Variants in DOT1L observed in about 807,000 individuals in gnomAD.
The protein encoded by DOT1L is histone-lysine N-methyltransferase, H3 lysine-79 specific.
A neutral mutation model predicts 153.3 loss-of-function variants in DOT1L; 33 were observed. That is an observed-to-expected ratio of 0.22 (90% CI 0.16 to 0.29). DOT1L has a LOEUF of 0.29. DOT1L is among the 10% of genes least tolerant of loss of function. DOT1L has a pLI of 1.00. For missense variants in DOT1L, 1,847 were observed against 2,119.9 expected, an observed-to-expected ratio of 0.87 and a Z score of 2.53; for synonymous variants, 1,135 against 965.1, an observed-to-expected ratio of 1.18 and a Z score of -3.26.
At chr19:2,228,898 A>G in intron 27 of DOT1L, 1 of 985,404 alleles carries the variant, frequency 1.0e-6, no homozygotes, top group Non-Finnish European at 1.2e-6. Context: ...GTAGCCTCGG[A>G]TGCCCTCATA....
chr19:2,166,708 G>A (rs1224456158), intron 1 of DOT1L, among the ~76,000 whole-genome samples: 1 of 152,234 alleles, frequency 6.6e-6, no homozygotes, highest in East Asian at 1.9e-4. Flanking sequence ...ACCGCACCTG[G>A]CCTCACATTT....
chr19:2,179,721 C>A (rs1568331987), intron 1 of DOT1L, among the ~76,000 whole-genome samples: 1 of 152,110 alleles, frequency 6.6e-6, no homozygotes, highest in Admixed American at 6.6e-5. Flanking sequence ...GCAGGAGAAT[C>A]CCTTGAACCT....
chr19:2,218,613 T>C (rs1456288095), intron 22 of DOT1L, among the ~76,000 whole-genome samples: 1 of 152,104 alleles, frequency 6.6e-6, no homozygotes, highest in East Asian at 1.9e-4. Context: ...CAGGATGGTC[T>C]TGATCTCCTG....
rs2023431593 is a variant in DOT1L, at chr19:2,204,830, A to G, written c.788-1899A>G. Reference sequence around the variant, plus strand: ...GGATACTGGCCTAACCTGTGTGCCCAGCCTGGCCCTGGAACCGCCCTTCCT... The same window carrying G: ...GGATACTGGCCTAACCTGTGTGCCCGGCCTGGCCCTGGAACCGCCCTTCCT... On this transcript the variant is annotated intron_variant, in intron 9 of 27. Transcript: ENST00000398665. The surrounding 1 kb of genome is among the most constrained non-coding windows in gnomAD (Gnocchi z 5.7). 6.6e-6 allele frequency among the ~76,000 whole-genome samples: 1 copy of G among 152,160 alleles called. No homozygotes were observed. Among genetic ancestry groups the G allele is most frequent in the Non-Finnish European group, 1.5e-5 (1 of 68,030 alleles).
At chr19:2,183,190 A>C (rs2022324321) in intron 2 of DOT1L, among the ~76,000 whole-genome samples, 1 of 152,106 alleles carries the variant, frequency 6.6e-6, no homozygotes, top group South Asian at 2.1e-4. Context: ...TGTTTTTTTG[A>C]GTCAGCGTCT....
At position 2,217,846 on chromosome 19, in the gene DOT1L, C is replaced by G. The variant is rs376379273; in HGVS notation, c.2619C>G (p.Thr873=). Residue 873 remains threonine (T), a synonymous_variant, in exon 22 of 28, where the codon ACC becomes ACG. Transcript: ENST00000398665. The surrounding 1 kb of genome is among the most constrained non-coding windows in gnomAD (Gnocchi z 7.3). ...TGCCCATCAGCATCCCGCTCAGCAC[C>G]GTGCAGCCCAACAAGCTCCCGGTCA... ...TSLPISIPLS[T]VQPNKLPVSI... 1.2e-6 allele frequency: 2 copies of G among 1,611,748 alleles called. No individual in the cohort carries two copies. The highest frequency in any genetic ancestry group is 1.1e-5 in the South Asian group (1 of 90,688).
Position 2,226,374 on chromosome 19 carries a change from G to A in DOT1L, c.3853G>A (p.Asp1285Asn), listed in dbSNP as rs369642113. The change falls in exon 27 of 28, where the codon GAT (aspartate) becomes AAT (asparagine). Residue 1285 changes from aspartate (D) to asparagine (N), a missense_variant. Around this residue, in one of 8 missense-constraint regions of DOT1L, gnomAD observed 934 missense variants for 825.3 expected, o/e 1.13. Transcript: ENST00000398665. ...FRPALEEPSA[D>N]AKLAAHPRKG... ...GCCCGCCCTGGAGGAGCCCTCTGCC[G>A]ATGCCAAGCTGGCCGCTCACCCCAG... 9 of 1,592,754 alleles carry A rather than the reference G, an allele frequency of 5.7e-6. No individual in the cohort carries two copies. Among genetic ancestry groups the A allele is most frequent in the Admixed American group, 3.4e-5 (2 of 58,772 alleles).
chr19:2,178,573 C>T (rs774270732), intron 1 of DOT1L, among the ~76,000 whole-genome samples: 53 of 151,964 alleles, frequency 3.5e-4, no homozygotes, highest in Admixed American at 1.5e-3. Flanking sequence ...CCCGTCACTA[C>T]GCCTGGCTAA....
At chr19:2,223,985 A>C (rs950170968) in intron 25 of DOT1L, among the ~76,000 whole-genome samples, 4 of 152,064 alleles carry the variant, frequency 2.6e-5, no homozygotes, top group African/African-American at 9.7e-5. Context: ...TCTCCTCCCA[A>C]GAGCCCCTGG....
Position 2,216,101 on chromosome 19 carries a change from CTTTA to C in DOT1L, c.1924-176_1924-173del. On this transcript the variant is annotated intron_variant, in intron 19 of 27. Transcript: ENST00000398665. ...AAACCATCCTCGGCCCTCCACATGA[CTTTA>C]TTTGACGCCCCCAGCTTCCCGACCC... is the stretch of plus-strand genomic sequence containing the variant. 7.3e-6 allele frequency: 6 copies of C among 817,852 alleles called. No individual in the cohort carries two copies. In the South Asian group the frequency reaches 9.7e-5, roughly 13 times the overall value. The allele number at this position is 817,852 out of a possible 1,614,324, so 50.7% of individuals were successfully genotyped here.
At chr19:2,225,632 G>C in intron 26 of DOT1L, among the ~76,000 whole-genome samples, 180 bp downstream of exon 26, 1 of 152,076 alleles carries the variant, frequency 6.6e-6, no homozygotes. Context: ...GCCGACACTG[G>C]GGGCGCTGGG....
At chr19:2,201,819 G>A (rs2023297651) in intron 8 of DOT1L, among the ~76,000 whole-genome samples, 1 of 152,250 alleles carries the variant, frequency 6.6e-6, no homozygotes, top group African/African-American at 2.4e-5. Context: ...TGCCTTGTCA[G>A]GCAGCCCCAG....
rs181699454 is a variant in DOT1L at position 2,199,965 on chromosome 19, G to C, written c.707+26G>C. On this transcript the variant is annotated intron_variant, in intron 8 of 27. Coordinates refer to ENST00000398665, the MANE Select transcript of DOT1L (RefSeq NM_032482.3). The stretch of plus-strand genomic sequence containing the variant: ...GTATGGCCAGCGTGGGGCATGCAGG[G>C]CATGTGGGGTGTGCGCTCACAGGCG... 4.5e-4 allele frequency: 732 copies of C among 1,611,994 alleles called. 2 individuals carry two copies. The highest frequency in any genetic ancestry group is 5.8e-4 in the Non-Finnish European group (685 of 1,178,474).
Position 2,207,585 on chromosome 19 carries a change from A to G in DOT1L, c.868A>G (p.Ile290Val). The change falls in exon 11 of 28, where the codon ATC becomes GTC. Residue 290 changes from isoleucine (I) to valine (V), a missense_variant. Around this residue, in one of 8 missense-constraint regions of DOT1L, gnomAD observed 148 missense variants for 422.3 expected, o/e 0.35. Transcript: ENST00000398665. This position sits in a 1 kb window ranked among gnomAD's most constrained non-coding sequence, Gnocchi z 4.5. ...TGTGGCTCCTGCAGACATCGGCACC[A>G]TCATGCGCGTGGTGGAGCTCTCGCC... is the stretch of plus-strand genomic sequence containing the variant. Reference protein sequence around the residue: ...NSRNLSDIGTIMRVVELSPLK... With the variant: ...NSRNLSDIGTVMRVVELSPLK... 1 of 1,610,688 alleles carries G rather than the reference A, an allele frequency of 6.2e-7. No homozygotes were observed. Among genetic ancestry groups the G allele is most frequent in the East Asian group, 2.2e-5 (1 of 44,848 alleles).
Position 2,229,871 on chromosome 19 carries a change from GCCGGGCTC to G in DOT1L, c.*82_*89del. 1 of 1,610,458 alleles carries G rather than the reference GCCGGGCTC, an allele frequency of 6.2e-7. No homozygotes were observed. The highest frequency in any genetic ancestry group is 8.5e-7 in the Non-Finnish European group (1 of 1,179,516). On this transcript the variant is annotated 3_prime_UTR_variant, in exon 28 of 28. Transcript: ENST00000398665. ...CCCGCGGCATGGTGCCCGCCGGCCT[GCCGGGCTC>G]CCACCCCTGGACGGCAGAGGCAAGG...
intron 9 of DOT1L, among the ~76,000 whole-genome samples, chr19:2,206,018 G>A (rs1242893596): frequency 6.7e-6 from 1 of 150,042 alleles, no homozygotes; most frequent in Admixed American, 6.6e-5. Context: ...TTCTTTTGAG[G>A]CAGAGTCTCT....
rs1035156898 is a variant in DOT1L, at chr19:2,190,897, C to T, written c.265-115C>T. ...GCCCGGCAGCCACCCTGCAGGGGGA[C>T]GAGAGGCCATGCAGCCGACTCCCTG... On this transcript the variant is annotated intron_variant, in intron 4 of 27. Transcript: ENST00000398665. The surrounding 1 kb of genome is among the most constrained non-coding windows in gnomAD (Gnocchi z 4.8). The T allele has an allele frequency of 1.8e-5, 18 of 980,706 alleles. No homozygotes were observed. Among genetic ancestry groups the T allele is most frequent in the African/African-American group, 4.9e-5 (3 of 61,064 alleles). The allele number at this position is 980,706 out of a possible 1,614,324, so 60.8% of individuals were successfully genotyped here. A position where few individuals can be genotyped will look rare whatever the true frequency, so the allele number is the denominator to read the frequency against.
intron 27 of DOT1L, chr19:2,228,295 T>G: frequency 7.4e-7 from 1 of 1,351,368 alleles, no homozygotes; most frequent in Non-Finnish European, 9.8e-7. Context: ...TGGGTGTCCC[T>G]CGGCATGCCG....
chr19:2,228,828 C>T (rs112576656), intron 27 of DOT1L: 18,954 of 985,378 alleles, frequency 0.019, 212 homozygotes, highest in Non-Finnish European at 0.021. Flanking sequence ...GTGCCGGCTG[C>T]AGAGGTCCTG....
Sources: gnomAD v4.1 joint callset for allele counts (sites outside exome capture counted in the v4.1 genomes callset) on GRCh38, gnomAD v4.1.1 for gene constraint, gnomAD v4.1.1 regional missense constraint, Gnocchi (gnomAD v3.1) non-coding constraint, MANE v1.5 for transcripts, NCBI Gene and HGNC (gene_info 2026-07-23, HGNC 2026-07-21) for gene names.